Variants in TACC2 observed in about 807,000 individuals in gnomAD.
TACC2 encodes the protein transforming acidic coiled-coil-containing protein 2.
A neutral mutation model predicts 227.3 loss-of-function variants in TACC2; 137 were observed. That is an observed-to-expected ratio of 0.60 (90% confidence interval 0.52 to 0.69). The LOEUF (loss-of-function observed/expected upper bound fraction) is 0.69. Ranked by LOEUF, TACC2 falls within the 30% of genes least tolerant of loss-of-function variation. TACC2 has a pLI of 0.00. For missense variants in TACC2, 3,470 were observed against 3,694.4 expected, an observed-to-expected ratio of 0.94 and a Z score of 1.57; for synonymous variants, 1,523 against 1,487.5, an observed-to-expected ratio of 1.02 and a Z score of -0.55.
chr10:122,199,423 CT>C (rs1002162047), intron 8 of TACC2, among the ~76,000 whole-genome samples: 4 of 152,346 alleles, frequency 2.6e-5, no homozygotes, highest in African/African-American at 9.6e-5. Flanking sequence ...CTGTCACCTG[CT>C]TTTGTCTCCA....
intron 1 of TACC2, among the ~76,000 whole-genome samples, chr10:122,012,149 C>T (rs1021312950): frequency 1.5e-4 from 23 of 152,026 alleles, no homozygotes; most frequent in African/African-American, 5.1e-4. Flanking sequence ...TGGCCGGACA[C>T]GGTAGCTCAT....
intron 9 of TACC2, among the ~76,000 whole-genome samples, chr10:122,213,823 T>C (rs1179370844): frequency 1.3e-5 from 2 of 152,204 alleles, no homozygotes; most frequent in African/African-American, 2.4e-5. Flanking sequence ...TGCTAACATG[T>C]AAAGCAGAAA....
rs146594942 is a variant in TACC2, at chr10:122,017,049, C to T, written c.-45-4888C>T. ...ACCAACCCGGCCAAAACCTTGATCTCGAACGTCCAGCCTCCAGGAAGATGA... is the reference window on the plus strand; with the variant it reads ...ACCAACCCGGCCAAAACCTTGATCTTGAACGTCCAGCCTCCAGGAAGATGA... On this transcript the variant is annotated intron_variant, in intron 1 of 22. Transcript: ENST00000369005. 3.6e-4 allele frequency among the ~76,000 whole-genome samples: 54 copies of T among 150,582 alleles called. No individual in the cohort carries two copies. The East Asian group carries it at 8.1e-3, about 23-fold the overall frequency.
At chr10:122,135,957 C>T (rs2089542566) in intron 6 of TACC2, among the ~76,000 whole-genome samples, 1 of 152,244 alleles carries the variant, frequency 6.6e-6, no homozygotes, top group Non-Finnish European at 1.5e-5. Flanking sequence ...AGTGCAACAA[C>T]AGGCCTCGGG....
Position 122,086,793 on chromosome 10 carries a change from A to G in TACC2, c.4293A>G (p.Ala1431=). The G allele has an allele frequency of 2.5e-6, 4 of 1,613,998 alleles. No individual in the cohort carries two copies. Among genetic ancestry groups the G allele is most frequent in the South Asian group, 1.1e-5 (1 of 91,078 alleles). Residue 1431 remains alanine, a synonymous_variant, in exon 4 of 23, where the codon GCA becomes GCG. Transcript: ENST00000369005. ...LGALATPGEK[A]GAGRSAVGKD... is the part of the protein sequence containing the mutation. The stretch of plus-strand genomic sequence containing the variant: ...CCCTGGCCACACCTGGAGAAAAGGC[A>G]GGAGCTGGGAGGAGTGCAGTGGGTA...
Position 122,086,265 on chromosome 10 carries a change from T to C in TACC2, c.3765T>C (p.Ala1255=), listed in dbSNP as rs752685625. 12 of 1,613,882 alleles carry C rather than the reference T, an allele frequency of 7.4e-6. No individual in the cohort carries two copies. The South Asian group carries it at 9.9e-5, about 13-fold the overall frequency. Residue 1255 remains alanine (A), a synonymous_variant, in exon 4 of 23, where the codon GCT becomes GCC. Transcript: ENST00000369005. The part of the protein sequence containing the change: ...QRGAEDSGVK[A]VSSADPRAPG... ...GAGCAGAAGACAGTGGAGTGAAAGC[T>C]GTTTCCTCTGCAGACCCCAGAGCTC...
At chr10:122,185,597 G>C (rs971627443) in intron 7 of TACC2, among the ~76,000 whole-genome samples, 2 of 152,192 alleles carry the variant, frequency 1.3e-5, no homozygotes, top group Non-Finnish European at 2.9e-5. Flanking sequence ...TATTAGACTA[G>C]ACTGTAAGAG....
chr10:122,242,558 T>G (rs1310776310), intron 19 of TACC2, among the ~76,000 whole-genome samples: 1 of 152,216 alleles, frequency 6.6e-6, no homozygotes, highest in Non-Finnish European at 1.5e-5. Flanking sequence ...ACGGCGTCCC[T>G]GGCAGCCAGT....
At chr10:122,069,994 C>G (rs1004686983) in intron 3 of TACC2, among the ~76,000 whole-genome samples, 4 of 152,200 alleles carry the variant, frequency 2.6e-5, no homozygotes, top group Non-Finnish European at 5.9e-5. Flanking sequence ...TGACATTGAG[C>G]CAGCTTGGCG....
Position 122,047,365 on chromosome 10 carries a change from T to C in TACC2, c.34-3073T>C, listed in dbSNP as rs1184227278. On this transcript the variant is annotated intron_variant, in intron 2 of 22. Transcript: ENST00000369005. The stretch of plus-strand genomic sequence containing the variant: ...TATAGAGTGTGAACTTAAGGTGATT[T>C]AAAGTTTCCATGGTCTTGATAATGT... 1.3e-5 allele frequency among the ~76,000 whole-genome samples: 2 copies of C among 151,136 alleles called. 1 individual carries two copies. Among genetic ancestry groups the C allele is most frequent in the South Asian group, 4.2e-4 (2 of 4,762 alleles).
At chr10:122,212,657 A>G (rs2095319942) in intron 9 of TACC2, among the ~76,000 whole-genome samples, 1 of 152,152 alleles carries the variant, frequency 6.6e-6, no homozygotes, top group Non-Finnish European at 1.5e-5. Context: ...CACGAAAGAG[A>G]CAGAACGACA....
chr10:122,237,416 G>A lies in TACC2; in HGVS notation c.8149G>A (p.Asp2717Asn). 6.2e-7 allele frequency: 1 copy of A among 1,613,564 alleles called. No homozygotes were observed. Among genetic ancestry groups the A allele is most frequent in the Non-Finnish European group, 8.5e-7 (1 of 1,179,766 alleles). Reference protein sequence around the residue: ...DAKREAAHPTDVSISKTALYS... With the variant: ...DAKREAAHPTNVSISKTALYS... ...ACAGAGAGAGGCTGCTCACCCAACA[G>A]ACGTCTCCATCTCCAAAACAGCCTT... The change falls in exon 17 of 23, where the codon GAC (aspartate) becomes AAC (asparagine). Residue 2717 changes from aspartate (D) to asparagine (N), a missense_variant. Physicochemically the swap from Asp to Asn is conservative, Grantham distance 23. Coordinates refer to ENST00000369005, the MANE Select transcript of TACC2 (RefSeq NM_206862.4).
chr10:122,016,764 T>C (rs528192667), intron 1 of TACC2, among the ~76,000 whole-genome samples: 1 of 152,266 alleles, frequency 6.6e-6, no homozygotes, highest in South Asian at 2.1e-4. Flanking sequence ...TCTTCTTCTA[T>C]AAGATGCTTA....
chr10:122,108,437 A>C (rs1422182346), intron 5 of TACC2, among the ~76,000 whole-genome samples: 1 of 88,624 alleles, frequency 1.1e-5, no homozygotes, highest in Admixed American at 1.4e-4. Flanking sequence ...TGTATGTCAT[A>C]TTTTCTTTTT....
intron 3 of TACC2, among the ~76,000 whole-genome samples, chr10:122,070,945 C>T (rs964112946): frequency 3.3e-5 from 5 of 151,354 alleles, no homozygotes; most frequent in Non-Finnish European, 5.9e-5. Flanking sequence ...AGGGATATAA[C>T]AAAAATACGT....
rs200384284 is a variant in TACC2, at chr10:122,043,439, A to ATTTC, written c.34-6981_34-6978dup. On this transcript the variant is annotated intron_variant, in intron 2 of 22. Transcript: ENST00000369005. ...ACCATGTGTCTCTTTTTATAATTAG[A>ATTTC]TTTCTTTCTTTCTTTCTTTCTCTTT... Among the ~76,000 whole-genome samples the ATTTC allele has an allele frequency of 5.6e-4, 72 of 128,676 alleles. 1 individual carries two copies. The highest frequency in any genetic ancestry group is 2.2e-3 in the Admixed American group (26 of 11,772). The allele number at this position is 128,676 out of a possible 152,430, so 84.4% of individuals were successfully genotyped here.
At chr10:122,171,750 C>T (rs1029432490) in intron 7 of TACC2, among the ~76,000 whole-genome samples, 2 of 152,196 alleles carry the variant, frequency 1.3e-5, no homozygotes, top group Non-Finnish European at 2.9e-5. Flanking sequence ...CCTCTTCCCA[C>T]GTGGTGAAAC....
intron 7 of TACC2, among the ~76,000 whole-genome samples, chr10:122,154,286 G>T (rs1249664794): frequency 1.3e-5 from 2 of 152,254 alleles, no homozygotes; most frequent in Non-Finnish European, 2.9e-5. Context: ...TCCCATACTG[G>T]GGCATGGGTG....
In TACC2 at chr10:122,170,901, G is replaced by A. The variant is rs146404065; in HGVS notation, c.5835-24139G>A. The stretch of plus-strand genomic sequence containing the variant: ...GCGGGCATCTTCTGCTCCGTCCCTT[G>A]GCTGGTCTCTTTTTTCCTGTCTTTA... On this transcript the variant is annotated intron_variant, in intron 7 of 22. Transcript: ENST00000369005. 3.6e-3 allele frequency among the ~76,000 whole-genome samples: 555 copies of A among 152,242 alleles called. 6 individuals carry two copies. Among genetic ancestry groups the A allele is most frequent in the Middle Eastern group, 0.02 (6 of 294 alleles).
Sources: gnomAD v4.1 joint callset for allele counts (sites outside exome capture counted in the v4.1 genomes callset) on GRCh38, gnomAD v4.1.1 for gene constraint, MANE v1.5 for transcripts, NCBI Gene and HGNC (gene_info 2026-07-23, HGNC 2026-07-21) for gene names.